The following SCHIP1 variants were observed in gnomAD, a reference collection of about 807,000 sequenced individuals.
The protein encoded by SCHIP1 is schwannomin-interacting protein 1.
A neutral mutation model predicts 29.7 loss-of-function variants in SCHIP1; 8 were observed. The ratio of observed to expected loss-of-function variants is 0.27; its 90% CI spans 0.16 to 0.49. SCHIP1 has a LOEUF of 0.49. Among genes scored for constraint, SCHIP1 ranks in the 20% least tolerant of loss-of-function variants. The probability of loss-of-function intolerance (pLI) is 0.99; values close to 1 mark genes in which losing one functional copy is unlikely to be tolerated. For synonymous variants in SCHIP1, 76 were observed against 94.9 expected, an observed-to-expected ratio of 0.80 and a Z score of 1.16; for missense variants, 193 against 294.6, an observed-to-expected ratio of 0.66 and a Z score of 2.52.
chr3:159,713,218 G>GAAAGAAAGGA, the SCHIP1 span, among the ~76,000 whole-genome samples: 2 of 121,026 alleles, frequency 1.7e-5, no homozygotes, highest in African/African-American at 6.4e-5. Flanking sequence ...GAGAGAGAGA[G>GAAAGAAAGGA]AGAGAGAAAG....
the SCHIP1 span, among the ~76,000 whole-genome samples, chr3:159,746,914 G>A: frequency 6.6e-6 from 1 of 152,054 alleles, no homozygotes; most frequent in Non-Finnish European, 1.5e-5. Context: ...GATTCCTTTG[G>A]GAAGGCTTCT....
the SCHIP1 span, among the ~76,000 whole-genome samples, chr3:159,323,877 A>G: frequency 6.6e-6 from 1 of 152,282 alleles, no homozygotes; most frequent in Non-Finnish European, 1.5e-5. Context: ...GGGACATCCT[A>G]TGGAGTTGGT....
chr3:159,642,315 T>A, the SCHIP1 span, among the ~76,000 whole-genome samples: 2 of 152,016 alleles, frequency 1.3e-5, no homozygotes, highest in Non-Finnish European at 2.9e-5. Context: ...GACCCTATTA[T>A]CCAGTCCAAA....
At chr3:159,494,068 C>A in the SCHIP1 span, among the ~76,000 whole-genome samples, 1 of 152,142 alleles carries the variant, frequency 6.6e-6, no homozygotes, top group Non-Finnish European at 1.5e-5. Flanking sequence ...AACAAAGACA[C>A]AACATACCAG....
At chr3:159,822,495 A>G in the SCHIP1 span, among the ~76,000 whole-genome samples, 1 of 151,806 alleles carries the variant, frequency 6.6e-6, no homozygotes, top group Admixed American at 6.6e-5. Context: ...GTTGTTGGTA[A>G]TGGCAAAATA....
the SCHIP1 span, among the ~76,000 whole-genome samples, chr3:159,828,388 C>CATATATACGTAT: frequency 1.5e-5 from 1 of 65,328 alleles, no homozygotes; most frequent in African/African-American, 4.6e-5. Context: ...TATATATATA[C>CATATATACGTAT]ATATATACGT....
At chr3:159,825,019 A>G in the SCHIP1 span, among the ~76,000 whole-genome samples, 1 of 152,214 alleles carries the variant, frequency 6.6e-6, no homozygotes, top group Non-Finnish European at 1.5e-5. Flanking sequence ...TTCTCTGATT[A>G]GAAAACTAAT....
the SCHIP1 span, among the ~76,000 whole-genome samples, chr3:159,468,777 A>ATATATATATATT: frequency 7.1e-5 from 9 of 127,336 alleles, no homozygotes; most frequent in South Asian, 2.5e-4. Context: ...ATATATATAT[A>ATATATATATATT]TTTTTTTTAG....
chr3:159,480,723 C>G, the SCHIP1 span, among the ~76,000 whole-genome samples: 1 of 152,140 alleles, frequency 6.6e-6, no homozygotes, highest in Non-Finnish European at 1.5e-5. Context: ...AGGTTTGACT[C>G]ATGATAACCT....
At chr3:159,510,107 A>G in the SCHIP1 span, among the ~76,000 whole-genome samples, 1 of 152,228 alleles carries the variant, frequency 6.6e-6, no homozygotes, top group African/African-American at 2.4e-5. Flanking sequence ...AGGTACACCA[A>G]TCAGACGTAG....
At chr3:159,775,214 A>G in the SCHIP1 span, among the ~76,000 whole-genome samples, 1 of 152,244 alleles carries the variant, frequency 6.6e-6, no homozygotes, top group African/African-American at 2.4e-5. Flanking sequence ...AGTTATTCAC[A>G]GAGTTAGTTT....
the SCHIP1 span, among the ~76,000 whole-genome samples, chr3:159,453,511 C>T: frequency 6.6e-6 from 1 of 152,188 alleles, no homozygotes; most frequent in Admixed American, 6.5e-5. Context: ...GCTGCTTTCA[C>T]TTAGCTGTGT....
chr3:159,788,682 A>G, the SCHIP1 span, among the ~76,000 whole-genome samples: 6 of 152,310 alleles, frequency 3.9e-5, no homozygotes, highest in Non-Finnish European at 8.8e-5. Context: ...GGAGAGCCTA[A>G]CTACTACATA....
chr3:159,777,504 C>T, the SCHIP1 span, among the ~76,000 whole-genome samples: 5 of 147,032 alleles, frequency 3.4e-5, no homozygotes, highest in African/African-American at 9.9e-5. Flanking sequence ...TTTTTATACA[C>T]ATCCCATTAC....
At chr3:159,889,059 A>G (rs571726984) in intron 5 of SCHIP1, 116 bp downstream of exon 6, 1 of 1,335,334 alleles carries the variant, frequency 7.5e-7, no homozygotes, top group Non-Finnish European at 1.0e-6. Context: ...GTGTGATTGC[A>G]AGGAAAATAA....
chr3:159,747,910 C>T, the SCHIP1 span, among the ~76,000 whole-genome samples: 1 of 152,146 alleles, frequency 6.6e-6, no homozygotes, highest in East Asian at 1.9e-4. Flanking sequence ...TAAAAATGGA[C>T]AGATTTGTCT....
At chr3:159,624,062 G>A in the SCHIP1 span, among the ~76,000 whole-genome samples, 1 of 152,042 alleles carries the variant, frequency 6.6e-6, no homozygotes, top group South Asian at 2.1e-4. Flanking sequence ...ATTTCATATG[G>A]CAAAGGTATC....
chr3:159,339,866 T>C, the SCHIP1 span, among the ~76,000 whole-genome samples: 1 of 152,264 alleles, frequency 6.6e-6, no homozygotes, highest in African/African-American at 2.4e-5. Flanking sequence ...GATATAGCTC[T>C]CATCCACTCA....
the SCHIP1 span, among the ~76,000 whole-genome samples, chr3:159,398,453 G>T: frequency 6.6e-6 from 1 of 152,040 alleles, no homozygotes; most frequent in Non-Finnish European, 1.5e-5. Context: ...TGTCATGGAG[G>T]GATTTTAATT....
Sources: allele counts gnomAD v4.1 joint callset (sites outside exome capture counted in the v4.1 genomes callset), GRCh38; gene constraint gnomAD v4.1.1; transcripts MANE v1.5; gene names NCBI Gene and HGNC (gene_info 2026-07-23, HGNC 2026-07-21).